Variants in PHC3 observed in about 807,000 individuals in gnomAD.
PHC3 encodes the protein polyhomeotic homolog 3.
PHC3 carries 13 observed loss-of-function variants against 107.4 expected under a neutral mutation model. The observed-to-expected ratio is 0.12, with a 90% CI of 0.08 to 0.19. The LOEUF is 0.19. PHC3 is among the 10% of genes least tolerant of loss of function. The pLI is 1.00. For missense variants in PHC3, 992 were observed against 1,210.9 expected, an observed-to-expected ratio of 0.82 and a Z score of 2.68; for synonymous variants, 456 against 427.4, an observed-to-expected ratio of 1.07 and a Z score of -0.83.
chr3:170,138,064 G>A (rs568244224), intron 6 of PHC3, among the ~76,000 whole-genome samples: 222 of 152,124 alleles, frequency 1.5e-3, no homozygotes, highest in Middle Eastern at 6.8e-3. Context: ...GCATGGTGGC[G>A]CATGCCTGTA....
intron 5 of PHC3, 110 bp downstream of exon 5, chr3:170,148,976 A>G (rs1363403647): frequency 8.7e-7 from 1 of 1,155,352 alleles, no homozygotes; most frequent in Non-Finnish European, 1.2e-6. Flanking sequence ...ACACACACAC[A>G]ATTAAACATT....
chr3:170,122,894 A>G (rs1720622721), intron 8 of PHC3, 150 bp from the exon 9 acceptor site: 1 of 886,060 alleles, frequency 1.1e-6, no homozygotes, highest in East Asian at 2.9e-5. Context: ...AAACTTAAAA[A>G]TTGCTCGAAT....
chr3:170,143,939 T>C (rs1442837798), intron 6 of PHC3, among the ~76,000 whole-genome samples: 1 of 152,042 alleles, frequency 6.6e-6, no homozygotes, highest in Non-Finnish European at 1.5e-5. Flanking sequence ...ATAGAGTATG[T>C]ATCCCTTATA....
rs1228512093 is a variant in PHC3, at chr3:170,126,526, A to AT, written c.1788+2157dup. ...TATGTATATATATATATATATATATATATTTTTTTTTTTTTTTCCTTTTTC... is the reference window on the plus strand; with the variant it reads ...TATGTATATATATATATATATATATATTATTTTTTTTTTTTTTTCCTTTTTC... On this transcript the variant is annotated intron_variant, in intron 8 of 14. Coordinates refer to ENST00000495893, the MANE Select transcript of PHC3 (RefSeq NM_024947.4). Among the ~76,000 whole-genome samples the AT allele has an allele frequency of 7.9e-3, 661 of 84,088 alleles. 5 individuals carry two copies. The highest frequency in any genetic ancestry group is 0.037 in the East Asian group (85 of 2,316). 55.2% of individuals were successfully genotyped at this position (84,088 alleles called of 152,430 possible).
At chr3:170,139,741 C>T (rs902996372) in intron 6 of PHC3, among the ~76,000 whole-genome samples, 2 of 151,986 alleles carry the variant, frequency 1.3e-5, no homozygotes, top group African/African-American at 4.8e-5. Flanking sequence ...AAATAAATTC[C>T]AAACATGAAC....
At chr3:170,179,436 A>G (rs577074830) in intron 1 of PHC3, among the ~76,000 whole-genome samples, 44 of 152,328 alleles carry the variant, frequency 2.9e-4, no homozygotes, top group African/African-American at 1.1e-3. Context: ...TTGCTTAAAA[A>G]TAAGTTCTTT....
At chr3:170,154,489 A>C (rs1316191498) in intron 4 of PHC3, among the ~76,000 whole-genome samples, 1 of 152,112 alleles carries the variant, frequency 6.6e-6, no homozygotes, top group Admixed American at 6.6e-5. Flanking sequence ...CTTAGTAAGG[A>C]TATTTACACA....
At chr3:170,136,707 T>C (rs1185545397) in intron 6 of PHC3, 42 bp from the exon 7 acceptor site, 1 of 1,591,410 alleles carries the variant, frequency 6.3e-7, no homozygotes, top group Non-Finnish European at 8.6e-7. Context: ...AAACAGATGG[T>C]TTTAATTGAT....
intron 4 of PHC3, among the ~76,000 whole-genome samples, chr3:170,168,460 A>T (rs1374966600): frequency 6.6e-6 from 1 of 152,164 alleles, no homozygotes; most frequent in Non-Finnish European, 1.5e-5. Context: ...TTAGAGCCAA[A>T]CAATCATAAA....
intron 4 of PHC3, among the ~76,000 whole-genome samples, chr3:170,152,690 T>TCC (rs747294329): frequency 4.6e-5 from 7 of 151,696 alleles, no homozygotes; most frequent in Non-Finnish European, 1.0e-4. Context: ...AGACAGGGTC[T>TCC]CCCTCTGTCA....
chr3:170,110,616 G>A lies in PHC3; in HGVS notation c.2353+2744C>T, dbSNP rs547608816. On this transcript the variant is annotated intron_variant, in intron 11 of 14. Coordinates refer to ENST00000495893, the MANE Select transcript of PHC3 (RefSeq NM_024947.4). ...TCTGTAGCTCCTTCGTTACCTTTCT[G>A]TATGGAGATTCCCTAGATTCCTAGT... is the stretch of plus-strand genomic sequence containing the variant. Among the ~76,000 whole-genome samples, 11 of 152,268 alleles carry A rather than the reference G, an allele frequency of 7.2e-5. 1 individual carries two copies. Among genetic ancestry groups the A allele is most frequent in the South Asian group, 6.2e-4 (3 of 4,828 alleles).
chr3:170,101,043 A>G (rs912241747), intron 14 of PHC3, among the ~76,000 whole-genome samples: 1 of 152,210 alleles, frequency 6.6e-6, no homozygotes, highest in African/African-American at 2.4e-5. Flanking sequence ...TACTGGTCTA[A>G]AAACTAAAAC....
chr3:170,145,727 C>A (rs1724825906), intron 5 of PHC3, among the ~76,000 whole-genome samples: 1 of 152,072 alleles, frequency 6.6e-6, no homozygotes, highest in Non-Finnish European at 1.5e-5. Flanking sequence ...TGAAACAGCT[C>A]ATGATTCTGA....
At chr3:170,140,485 C>T (rs535004314) in intron 6 of PHC3, among the ~76,000 whole-genome samples, 20 of 151,648 alleles carry the variant, frequency 1.3e-4, no homozygotes, top group Middle Eastern at 6.8e-3. Context: ...AACTTCTGGC[C>T]TCAAGTGATC....
intron 4 of PHC3, among the ~76,000 whole-genome samples, chr3:170,156,605 GT>G (rs919346249): frequency 3.3e-4 from 48 of 145,678 alleles, no homozygotes; most frequent in African/African-American, 6.5e-4. Flanking sequence ...AGACTACATG[GT>G]TTTTTTTTTG....
chr3:170,127,833 T>C (rs1051717480), intron 8 of PHC3, among the ~76,000 whole-genome samples: 10 of 152,190 alleles, frequency 6.6e-5, no homozygotes, highest in South Asian at 6.2e-4. Context: ...TCTTAAAATG[T>C]CTTTTAGAGA....
chr3:170,142,877 G>A (rs78069638), intron 6 of PHC3, among the ~76,000 whole-genome samples: 1 of 152,024 alleles, frequency 6.6e-6, no homozygotes, highest in Non-Finnish European at 1.5e-5. Context: ...CAAAAAAAAA[G>A]AAGATCATTA....
rs577482228 is a variant in PHC3, at chr3:170,164,587, A to G, written c.414+6786T>C. 1.2e-4 allele frequency among the ~76,000 whole-genome samples: 19 copies of G among 152,316 alleles called. No individual in the cohort carries two copies. In the South Asian group the frequency reaches 2.3e-3, roughly 18 times the overall value. On this transcript the variant is annotated intron_variant, in intron 4 of 14. Coordinates refer to ENST00000495893, the MANE Select transcript of PHC3 (RefSeq NM_024947.4). ...ACAACTAAAAACTCTTATGTTACATATAAAATAAACCTCAGAAGACCCCAA... is the reference window on the plus strand; with the variant it reads ...ACAACTAAAAACTCTTATGTTACATGTAAAATAAACCTCAGAAGACCCCAA...
In PHC3 at chr3:170,102,922, G is replaced by A; in HGVS notation, c.2481C>T (p.Ser827=). Residue 827 remains serine (S), a synonymous_variant, in exon 13 of 15, where the codon AGC becomes AGT. Transcript: ENST00000495893. ...TMSCAKRYNV[S]CSKKFALSRW... ...GACTAAGTGCAAATTTTTTAGAACA[G>A]CTAACATTGTACCTAAGAAATTCAA... 6.2e-7 allele frequency: 1 copy of A among 1,612,166 alleles called. No individual in the cohort carries two copies. The highest frequency in any genetic ancestry group is 8.5e-7 in the Non-Finnish European group (1 of 1,178,826).
Sources: allele counts gnomAD v4.1 joint callset (sites outside exome capture counted in the v4.1 genomes callset), GRCh38; gene constraint gnomAD v4.1.1; transcripts MANE v1.5; gene names NCBI Gene and HGNC (gene_info 2026-07-23, HGNC 2026-07-21).